Variants in PUM1 observed in about 807,000 individuals in gnomAD.
PUM1 encodes the protein pumilio RNA binding family member 1, also known as pumilio homolog 1.
In PUM1, 13 loss-of-function variants were observed where a neutral mutation model predicts 131.8. The observed-to-expected ratio is 0.10, with a 90% confidence interval of 0.06 to 0.16. The LOEUF (loss-of-function observed/expected upper bound fraction) is 0.16. PUM1 is among the 10% of genes least tolerant of loss of function. The probability of loss-of-function intolerance (pLI) is 1.00; values close to 1 mark genes in which losing one functional copy is unlikely to be tolerated. For missense variants in PUM1, 961 were observed against 1,512.4 expected, an observed-to-expected ratio of 0.64 and a Z score of 6.05; for synonymous variants, 509 against 556.5, an observed-to-expected ratio of 0.91 and a Z score of 1.20.
intron 6 of PUM1, among the ~76,000 whole-genome samples, chr1:30,993,742 G>C (rs1641886422): frequency 6.6e-6 from 1 of 152,168 alleles, no homozygotes; most frequent in Non-Finnish European, 1.5e-5. Context: ...CCTTAGGTAA[G>C]TATTTATTAC....
At chr1:31,033,382 T>A (rs1361151144) in intron 2 of PUM1, among the ~76,000 whole-genome samples, 1 of 64,272 alleles carries the variant, frequency 1.6e-5, no homozygotes, top group Non-Finnish European at 3.7e-5. Context: ...TTTTCTTTTT[T>A]TTTTTTTTTT....
Position 30,932,870 on chromosome 1 carries a change from C to A in PUM1, c.*341G>T. ...AAGCTTTTTTTTTTTGTTAAACCAA[C>A]CACCCTGAAAGTTTCCACATGTGAA... On this transcript the variant is annotated 3_prime_UTR_variant, in exon 22 of 22. Transcript: ENST00000426105. 6.4e-6 allele frequency: 1 copy of A among 155,132 alleles called. No homozygotes were observed. Among genetic ancestry groups the A allele is most frequent in the African/African-American group, 2.5e-5 (1 of 40,438 alleles). 9.6% of individuals were successfully genotyped at this position (155,132 alleles called of 1,614,324 possible). A position where few individuals can be genotyped will look rare whatever the true frequency, so the allele number is the denominator to read the frequency against.
rs559923431 is a variant in PUM1 at position 30,933,058 on chromosome 1, G to A, written c.*153C>T. ...TAAATTTACAAAGGCTTTTCCACTC[G>A]TGGATTTGATTCCTTTTTTGGAGGA... On this transcript the variant is annotated 3_prime_UTR_variant, in exon 22 of 22. Transcript: ENST00000426105. 51 of 922,028 alleles carry A rather than the reference G, an allele frequency of 5.5e-5. No individual in the cohort carries two copies. Among genetic ancestry groups the A allele is most frequent in the Non-Finnish European group, 7.3e-5 (46 of 627,966 alleles). The allele number at this position is 922,028 out of a possible 1,614,324, so 57.1% of individuals were successfully genotyped here.
intron 3 of PUM1, among the ~76,000 whole-genome samples, chr1:31,012,887 T>C (rs1642675303): frequency 6.6e-6 from 1 of 152,240 alleles, no homozygotes; most frequent in Non-Finnish European, 1.5e-5. Flanking sequence ...AATCACTTTA[T>C]TTTAAACTAG....
At chr1:31,008,518 G>A (rs994107076) in intron 3 of PUM1, among the ~76,000 whole-genome samples, 1 of 152,106 alleles carries the variant, frequency 6.6e-6, no homozygotes, top group Admixed American at 6.5e-5. Context: ...GGCATTTGGG[G>A]GAGGGTGAGG....
At chr1:31,039,153 T>C (rs1259025852) in intron 2 of PUM1, among the ~76,000 whole-genome samples, 1 of 148,056 alleles carries the variant, frequency 6.8e-6, no homozygotes, top group African/African-American at 2.5e-5. Context: ...TATGTCACCA[T>C]GCCTGGCTGA....
intron 7 of PUM1, among the ~76,000 whole-genome samples, chr1:30,989,571 C>CAAA (rs1174565063): frequency 0.026 from 711 of 27,684 alleles, 127 homozygotes; most frequent in African/African-American, 0.074. Flanking sequence ...GACTCCGTCT[C>CAAA]AAAAAAAAAA....
At chr1:30,986,855 C>T (rs770880149) in intron 7 of PUM1, among the ~76,000 whole-genome samples, 5 of 152,308 alleles carry the variant, frequency 3.3e-5, no homozygotes, top group Non-Finnish European at 7.3e-5. Context: ...TAAATACCTA[C>T]ATTAAAAGTA....
At chr1:31,050,237 T>C (rs1251392016) in intron 2 of PUM1, among the ~76,000 whole-genome samples, 2 of 152,048 alleles carry the variant, frequency 1.3e-5, no homozygotes, top group African/African-American at 4.8e-5. Context: ...TTAATCTCAG[T>C]ACTTTGGGAG....
chr1:30,968,803 T>C (rs145360775), intron 10 of PUM1, among the ~76,000 whole-genome samples: 42 of 152,310 alleles, frequency 2.8e-4, no homozygotes, highest in Non-Finnish European at 5.0e-4. Context: ...AGTTAAAAGA[T>C]GAATTTGGAA....
intron 19 of PUM1, among the ~76,000 whole-genome samples, chr1:30,941,764 G>A (rs1286621846): frequency 1.3e-5 from 2 of 152,150 alleles, no homozygotes; most frequent in Non-Finnish European, 1.5e-5. Context: ...GACACCACAA[G>A]TACATGACAG....
chr1:30,949,990 C>T, intron 17 of PUM1, 137 bp downstream of exon 17: 1 of 919,074 alleles, frequency 1.1e-6, no homozygotes, highest in South Asian at 2.1e-5. Flanking sequence ...TTCATGCTTG[C>T]CATGCACAAA....
intron 2 of PUM1, among the ~76,000 whole-genome samples, chr1:31,035,238 T>C (rs2124558471): frequency 6.6e-6 from 1 of 151,756 alleles, no homozygotes; most frequent in South Asian, 2.1e-4. Context: ...ATTAAAAATA[T>C]GAAAATCAGC....
rs573527355 is a variant in PUM1 at position 31,025,283 on chromosome 1, AC to A, written c.432+3512del. Among the ~76,000 whole-genome samples the A allele has an allele frequency of 1.0e-3, 158 of 152,310 alleles. 2 individuals carry two copies. Among genetic ancestry groups the A allele is most frequent in the African/African-American group, 3.6e-3 (148 of 41,558 alleles). On this transcript the variant is annotated intron_variant, in intron 3 of 21. Coordinates refer to ENST00000426105, the MANE Select transcript of PUM1 (RefSeq NM_001020658.2). ...CAGTGGCTTTGAAGAAAAAAACGTA[AC>A]AAGAGTCAACCAGCACTAATTTTCA...
chr1:30,961,884 C>T (rs763011825), intron 14 of PUM1, among the ~76,000 whole-genome samples: 1 of 152,182 alleles, frequency 6.6e-6, no homozygotes, highest in South Asian at 2.1e-4. Flanking sequence ...CTTAGTATGG[C>T]TGCTCATCAC....
At chr1:30,940,121 G>T (rs1449033327) in intron 20 of PUM1, among the ~76,000 whole-genome samples, 1 of 152,124 alleles carries the variant, frequency 6.6e-6, no homozygotes, top group African/African-American at 2.4e-5. Flanking sequence ...TGGATCTACA[G>T]GTACTTTCAT....
At chr1:31,045,227 G>A (rs568247485) in intron 2 of PUM1, among the ~76,000 whole-genome samples, 1 of 152,058 alleles carries the variant, frequency 6.6e-6, no homozygotes, top group South Asian at 2.1e-4. Context: ...CGCCCCGACA[G>A]GGTTCAGGCG....
At chr1:30,952,413 A>G (rs746875940) in intron 15 of PUM1, 50 bp from the exon 16 acceptor site, 3 of 1,611,948 alleles carry the variant, frequency 1.9e-6, no homozygotes, top group Non-Finnish European at 2.5e-6. Flanking sequence ...GAAGACCTGG[A>G]GATACATCAG....
chr1:30,955,484 C>A lies in PUM1; in HGVS notation c.2324-1503G>T, dbSNP rs552309852. Among the ~76,000 whole-genome samples, 24 of 149,884 alleles carry A rather than the reference C, an allele frequency of 1.6e-4. No individual in the cohort carries two copies. The East Asian group carries it at 2.0e-3, about 12-fold the overall frequency. ...CATCTGAAAAAAAAAAAAAACCAAACCAAAACAAAACAAAACAAAAAACAG... is the reference window on the plus strand; with the variant it reads ...CATCTGAAAAAAAAAAAAAACCAAAACAAAACAAAACAAAACAAAAAACAG... On this transcript the variant is annotated intron_variant, in intron 14 of 21. Transcript: ENST00000426105.
Sources: gnomAD v4.1 joint callset for allele counts (sites outside exome capture counted in the v4.1 genomes callset) on GRCh38, gnomAD v4.1.1 for gene constraint, MANE v1.5 for transcripts, NCBI Gene and HGNC (gene_info 2026-07-23, HGNC 2026-07-21) for gene names.